ADGRL2: variants seen among roughly 807,000 people sequenced by gnomAD.
The protein encoded by ADGRL2 is adhesion G protein-coupled receptor L2, also known as calcium-independent alpha-latrotoxin receptor 2.
ADGRL2 carries 44 observed loss-of-function variants against 157.4 expected under a neutral mutation model. The ratio of observed to expected loss-of-function variants is 0.28; its 90% CI spans 0.22 to 0.36. The LOEUF (loss-of-function observed/expected upper bound fraction) is 0.36. Ranked by LOEUF, ADGRL2 falls within the 10% of genes least tolerant of loss-of-function variation. The pLI, the probability that ADGRL2 is intolerant of heterozygous loss-of-function variation, is 1.00. For synonymous variants in ADGRL2, 585 were observed against 624.7 expected (o/e 0.94, Z 0.95); for missense variants, 1,510 against 1,768.9 (o/e 0.85, Z 2.63).
At chr1:81,672,575 T>C (rs1557554389) in intron 3 of ADGRL2, among the ~76,000 whole-genome samples, 1 of 152,240 alleles carries the variant, frequency 6.6e-6, no homozygotes, top group Non-Finnish European at 1.5e-5. Flanking sequence ...AAAAGCAGTT[T>C]TGAAAGCTGT....
chr1:81,424,890 G>A (rs1252616081), intron 1 of ADGRL2, among the ~76,000 whole-genome samples: 3 of 152,190 alleles, frequency 2.0e-5, no homozygotes, highest in African/African-American at 7.2e-5. Context: ...TTCTTCGTGG[G>A]AGCAATTAAT....
chr1:81,651,908 G>C (rs2082429123), intron 3 of ADGRL2, among the ~76,000 whole-genome samples: 1 of 151,808 alleles, frequency 6.6e-6, no homozygotes, highest in Non-Finnish European at 1.5e-5. Context: ...ATTTTTTGTA[G>C]AGACAGGGGT....
At chr1:81,472,640 G>C (rs201623698) in intron 2 of ADGRL2, among the ~76,000 whole-genome samples, 1 of 129,944 alleles carries the variant, frequency 7.7e-6, no homozygotes, top group Admixed American at 8.6e-5. Context: ...TGAAAAAAAA[G>C]GAAAGGAAAG....
chr1:81,659,169 C>A (rs1212652788), intron 3 of ADGRL2, among the ~76,000 whole-genome samples: 1 of 147,210 alleles, frequency 6.8e-6, no homozygotes, highest in Non-Finnish European at 1.5e-5. Context: ...TCACGTGATT[C>A]TCCTGTCTCA....
At chr1:81,470,388 C>G (rs918891973) in intron 2 of ADGRL2, among the ~76,000 whole-genome samples, 3 of 152,116 alleles carry the variant, frequency 2.0e-5, no homozygotes, top group Non-Finnish European at 2.9e-5. Context: ...TCACCATTTC[C>G]CTTCCCAACA....
At chr1:81,856,103 A>T (rs1485099120) in intron 2 of ADGRL2, among the ~76,000 whole-genome samples, 3 of 152,182 alleles carry the variant, frequency 2.0e-5, no homozygotes, top group Admixed American at 6.5e-5. Flanking sequence ...GGTCATATAT[A>T]GCACAGATGC....
intron 2 of ADGRL2, among the ~76,000 whole-genome samples, chr1:81,445,823 C>A (rs2077587143): frequency 6.6e-6 from 1 of 152,178 alleles, no homozygotes; most frequent in Non-Finnish European, 1.5e-5. Context: ...GAGAAATTGT[C>A]ATACCTACTT....
At chr1:81,502,842 T>C in intron 2 of ADGRL2, 1 of 1,612,652 alleles carries the variant, frequency 6.2e-7, no homozygotes, top group Non-Finnish European at 8.5e-7. Flanking sequence ...CCGAGGCCCC[T>C]GCCCTCCTCT....
At chr1:81,576,769 T>C (rs1570549747) in intron 2 of ADGRL2, among the ~76,000 whole-genome samples, 1 of 152,184 alleles carries the variant, frequency 6.6e-6, no homozygotes, top group East Asian at 1.9e-4. Context: ...TTTAGGCATT[T>C]GCGCATATAT....
intron 1 of ADGRL2, among the ~76,000 whole-genome samples, chr1:81,801,885 C>T (rs1448692404): frequency 1.3e-5 from 2 of 152,084 alleles, no homozygotes; most frequent in Non-Finnish European, 2.9e-5. Flanking sequence ...TTTTTTTTTC[C>T]TAAGGGAGCG....
At chr1:81,454,651 C>T (rs2077766505) in intron 2 of ADGRL2, among the ~76,000 whole-genome samples, 1 of 152,142 alleles carries the variant, frequency 6.6e-6, no homozygotes. Context: ...TTGAAAAACA[C>T]CTGGTGGGAG....
chr1:81,351,601 G>A (rs935358525), intron 1 of ADGRL2, among the ~76,000 whole-genome samples: 4 of 118,362 alleles, frequency 3.4e-5, no homozygotes, highest in Non-Finnish European at 8.0e-5. Context: ...CAGATTAATT[G>A]TTAAAAAAAA....
intron 3 of ADGRL2, among the ~76,000 whole-genome samples, chr1:81,616,669 C>CTTTT (rs1304177259): frequency 9.6e-6 from 1 of 103,782 alleles, no homozygotes; most frequent in Non-Finnish European, 2.0e-5. Context: ...CTTTTCTTTT[C>CTTTT]TTTTCTTTTC....
intron 1 of ADGRL2, among the ~76,000 whole-genome samples, 150 bp downstream of exon 1, chr1:81,801,218 G>A (rs897133951): frequency 1.3e-5 from 2 of 152,194 alleles, no homozygotes; most frequent in Non-Finnish European, 2.9e-5. Flanking sequence ...ATCTTCTTTT[G>A]AGTTTGCCCG....
At chr1:81,356,744 GAGATCGACACCATCCT>G (rs1452708426) in intron 1 of ADGRL2, among the ~76,000 whole-genome samples, 1 of 151,830 alleles carries the variant, frequency 6.6e-6, no homozygotes, top group Admixed American at 6.6e-5. Flanking sequence ...CCGAGGTCAG[GAGATCGACACCATCCT>G]GGCTAACACG....
intron 3 of ADGRL2, among the ~76,000 whole-genome samples, chr1:81,917,201 A>G (rs2094876822): frequency 6.6e-6 from 1 of 152,144 alleles, no homozygotes; most frequent in South Asian, 2.1e-4. Context: ...TTTTCCATAT[A>G]TCCTATACTG....
At chr1:81,598,453 A>G (rs143356152) in intron 3 of ADGRL2, among the ~76,000 whole-genome samples, 2 of 152,376 alleles carry the variant, frequency 1.3e-5, no homozygotes, top group Admixed American at 6.5e-5. Flanking sequence ...CCCTGTACAT[A>G]TAATAAAATT....
At chr1:81,566,056 G>T (rs2080553368) in intron 2 of ADGRL2, among the ~76,000 whole-genome samples, 2 of 152,066 alleles carry the variant, frequency 1.3e-5, no homozygotes. Context: ...AGAAAATATA[G>T]AATTTAGACT....
intron 2 of ADGRL2, among the ~76,000 whole-genome samples, chr1:81,882,732 C>T (rs2094019961): frequency 1.3e-5 from 2 of 152,010 alleles, no homozygotes; most frequent in Admixed American, 1.3e-4. Flanking sequence ...GGGAAATAGC[C>T]CTCAAATAAT....
Sources: gnomAD v4.1 joint callset for allele counts (sites outside exome capture counted in the v4.1 genomes callset) on GRCh38, gnomAD v4.1.1 for gene constraint, MANE v1.5 for transcripts, NCBI Gene and HGNC (gene_info 2026-07-23, HGNC 2026-07-21) for gene names.